The following B3GALT5 variants were observed in gnomAD, a reference collection of about 807,000 sequenced individuals.
B3GALT5 encodes the protein beta-1,3-galactosyltransferase 5.
For synonymous variants in B3GALT5, 156 were observed against 158.6 expected (o/e 0.98, Z 0.12); for missense variants, 328 against 396.6 (o/e 0.83, Z 1.47).
At chr21:39,622,602 G>A (rs915364641) in intron 1 of B3GALT5, among the ~76,000 whole-genome samples, 3 of 151,870 alleles carry the variant, frequency 2.0e-5, no homozygotes, top group African/African-American at 7.3e-5. Context: ...CCTGCCTATC[G>A]TTGTAGCTTT....
At chr21:39,618,072 T>A (rs1485209502) in intron 1 of B3GALT5, among the ~76,000 whole-genome samples, 1 of 152,164 alleles carries the variant, frequency 6.6e-6, no homozygotes, top group Non-Finnish European at 1.5e-5. Context: ...GGAGGATTGC[T>A]TGGGTCCAGG....
chr21:39,651,078 T>C (rs1001115228), intron 2 of B3GALT5, among the ~76,000 whole-genome samples: 1 of 152,070 alleles, frequency 6.6e-6, no homozygotes, highest in Admixed American at 6.6e-5. Flanking sequence ...GTCACTCAGC[T>C]CAGGAGTCCT....
rs2079615763 is a variant in B3GALT5, at chr21:39,670,264, A to G, written c.*8772A>G. On this transcript the variant is annotated 3_prime_UTR_variant, in exon 4 of 4. Coordinates refer to ENST00000684187, the MANE Select transcript of B3GALT5 (RefSeq NM_001356336.2). Reference sequence around the variant, plus strand: ...CTATGAGAGAGAGAGAGACAGACAGACAGATCTGAGGCTCTAATTAGAGAT... The same window carrying G: ...CTATGAGAGAGAGAGAGACAGACAGGCAGATCTGAGGCTCTAATTAGAGAT... 1 of 152,266 alleles carries G rather than the reference A, an allele frequency of 6.6e-6. No homozygotes were observed. Among genetic ancestry groups the G allele is most frequent in the East Asian group, 1.9e-4 (1 of 5,190 alleles). 9.4% of individuals were successfully genotyped at this position (152,266 alleles called of 1,614,324 possible). A position where few individuals can be genotyped will look rare whatever the true frequency, so the allele number is the denominator to read the frequency against.
At chr21:39,643,851 A>T (rs2079312909) in intron 1 of B3GALT5, among the ~76,000 whole-genome samples, 1 of 152,118 alleles carries the variant, frequency 6.6e-6, no homozygotes, top group Admixed American at 6.5e-5. Flanking sequence ...CAGGGGGAGT[A>T]TGAGTTTTGC....
At chr21:39,637,581 T>C (rs942174263) in intron 1 of B3GALT5, among the ~76,000 whole-genome samples, 10 of 152,254 alleles carry the variant, frequency 6.6e-5, no homozygotes, top group Non-Finnish European at 1.5e-5. Flanking sequence ...GTGTCCTTGA[T>C]GGCTACCCCG....
rs59929400 is a variant in B3GALT5, at chr21:39,638,098, C to T, written c.-391-8294C>T. 6.6e-5 allele frequency among the ~76,000 whole-genome samples: 10 copies of T among 152,160 alleles called. No individual in the cohort carries two copies. In the East Asian group the frequency reaches 1.2e-3, roughly 18 times the overall value. ...GAGAAGTGCTGGCAAGGGAAGGGCA[C>T]GGTCCCTTTAAATGATACTGAAGGG... On this transcript the variant is annotated intron_variant, in intron 1 of 3. Transcript: ENST00000684187.
intron 1 of B3GALT5, among the ~76,000 whole-genome samples, chr21:39,621,394 C>T (rs1246552323): frequency 6.6e-6 from 1 of 151,300 alleles, no homozygotes. Context: ...AGATATTGTT[C>T]ATAATTTTCT....
chr21:39,613,659 C>CGTGT (rs60776259), intron 1 of B3GALT5, among the ~76,000 whole-genome samples: 55 of 151,064 alleles, frequency 3.6e-4, no homozygotes, highest in African/African-American at 1.3e-3. Context: ...ATATCTGTAC[C>CGTGT]GTGTGTGTGT....
intron 1 of B3GALT5, among the ~76,000 whole-genome samples, chr21:39,639,289 T>G (rs186809620): frequency 2.3e-3 from 86 of 38,146 alleles, no homozygotes; most frequent in African/African-American, 8.6e-3. Flanking sequence ...GGCATCTGGC[T>G]CTTTCTTTCT....
At chr21:39,624,439 ATAT>A (rs2079153332) in intron 1 of B3GALT5, among the ~76,000 whole-genome samples, 1 of 152,212 alleles carries the variant, frequency 6.6e-6, no homozygotes, top group Non-Finnish European at 1.5e-5. Flanking sequence ...ATAGTTGTGA[ATAT>A]TATTCAACTC....
intron 1 of B3GALT5, among the ~76,000 whole-genome samples, chr21:39,639,291 T>TTTCTTTCTTTCC (rs2079255326): frequency 2.2e-5 from 1 of 45,990 alleles, no homozygotes; most frequent in Non-Finnish European, 4.3e-5. Context: ...CATCTGGCTC[T>TTTCTTTCTTTCC]TTCTTTCTTT....
chr21:39,639,288 CTCTTTCTTTCTTTCTTTCTTTCTT>C (rs71184689), intron 1 of B3GALT5, among the ~76,000 whole-genome samples: 2 of 98,524 alleles, frequency 2.0e-5, no homozygotes, highest in African/African-American at 3.6e-5. Context: ...AGGCATCTGG[CTCTTTCTTTCTTTCTTTCTTTCTT>C]TCTTTCTTTC....
chr21:39,655,658 A>G (rs1164174521), intron 2 of B3GALT5, among the ~76,000 whole-genome samples: 1 of 152,116 alleles, frequency 6.6e-6, no homozygotes, highest in African/African-American at 2.4e-5. Flanking sequence ...GGAAAAGAAA[A>G]CAGCAGAGGT....
At chr21:39,641,781 A>G (rs980571266) in intron 1 of B3GALT5, among the ~76,000 whole-genome samples, 1 of 152,198 alleles carries the variant, frequency 6.6e-6, no homozygotes, top group African/African-American at 2.4e-5. Flanking sequence ...CTATCATATA[A>G]TACATGCTCT....
intron 1 of B3GALT5, among the ~76,000 whole-genome samples, chr21:39,627,227 G>A (rs2079168787): frequency 6.6e-6 from 1 of 152,152 alleles, no homozygotes; most frequent in Admixed American, 6.5e-5. Context: ...CTTTGTTCTT[G>A]AGGCTCCTTT....
intron 1 of B3GALT5, among the ~76,000 whole-genome samples, chr21:39,641,945 G>A (rs1013430333): frequency 6.6e-6 from 1 of 152,128 alleles, no homozygotes; most frequent in Admixed American, 6.5e-5. Context: ...TGCTGTTTTG[G>A]TAGCAAATCC....
Position 39,659,771 on chromosome 21 carries a change from C to T in B3GALT5, c.-142C>T. ...TTCCTAGTGATTCCTGTCAGAATCA[C>T]CATTTTTGGTAAACAAACCAAGCCC... On this transcript the variant is annotated 5_prime_UTR_variant, in exon 3 of 4. Coordinates refer to ENST00000684187, the MANE Select transcript of B3GALT5 (RefSeq NM_001356336.2). 1.0e-6 allele frequency: 1 copy of T among 984,700 alleles called. No individual in the cohort carries two copies. The highest frequency in any genetic ancestry group is 1.2e-6 in the Non-Finnish European group (1 of 829,744). 61.0% of individuals were successfully genotyped at this position (984,700 alleles called of 1,614,324 possible).
At chr21:39,626,737 C>T (rs1019848637) in intron 1 of B3GALT5, among the ~76,000 whole-genome samples, 2 of 152,138 alleles carry the variant, frequency 1.3e-5, no homozygotes, top group Admixed American at 1.3e-4. Flanking sequence ...ATCTGTATAT[C>T]TTCTTTGGAG....
At position 39,661,376 on chromosome 21, in the gene B3GALT5, T is replaced by G. The variant is rs763524371; in HGVS notation, c.817T>G (p.Phe273Val). ...GACCTTTTTTCCAGGGGGCTTACGC[T>G]TCTCCGTATGCCTCTTCAGGAGGAT... is the stretch of plus-strand genomic sequence containing the variant. ...QPTFFPGGLRFSVCLFRRIVA... is the reference protein window; with the variant it reads ...QPTFFPGGLRVSVCLFRRIVA... Residue 273 changes from phenylalanine (F) to valine (V), a missense_variant, in exon 4 of 4, where the codon TTC becomes GTC. Physicochemically the swap from Phe to Val is conservative, Grantham distance 50. Transcript: ENST00000684187. The surrounding 1 kb of genome is among the most constrained non-coding windows in gnomAD (Gnocchi z 4.7). 6.2e-7 allele frequency: 1 copy of G among 1,601,442 alleles called. No individual in the cohort carries two copies. The highest frequency in any genetic ancestry group is 8.5e-7 in the Non-Finnish European group (1 of 1,174,154).
Sources: allele counts gnomAD v4.1 joint callset (sites outside exome capture counted in the v4.1 genomes callset), GRCh38; gene constraint gnomAD v4.1.1; non-coding constraint Gnocchi (gnomAD v3.1); transcripts MANE v1.5; gene names NCBI Gene and HGNC (gene_info 2026-07-23, HGNC 2026-07-21).